Variants in GALNTL6 observed in about 807,000 individuals in gnomAD.
GALNTL6 encodes the protein polypeptide N-acetylgalactosaminyltransferase-like 6.
Under a neutral mutation model 73.7 loss-of-function variants are expected in GALNTL6, and 46 were observed. That is an observed-to-expected ratio of 0.62 (90% CI 0.49 to 0.80). The LOEUF is 0.80. Ranked by LOEUF, GALNTL6 falls within the 30% of genes least tolerant of loss-of-function variation. The probability of loss-of-function intolerance (pLI) is 0.00; values close to 1 mark genes in which losing one functional copy is unlikely to be tolerated. For missense variants in GALNTL6, 604 were observed against 755.0 expected, an observed-to-expected ratio of 0.80 and a Z score of 2.34; for synonymous variants, 259 against 263.7, an observed-to-expected ratio of 0.98 and a Z score of 0.17.
At chr4:172,674,888 C>T (rs998168395) in intron 5 of GALNTL6, among the ~76,000 whole-genome samples, 4 of 152,156 alleles carry the variant, frequency 2.6e-5, no homozygotes, top group Admixed American at 2.6e-4. Flanking sequence ...TTTATCATGA[C>T]TTTTAACTTC....
intron 5 of GALNTL6, among the ~76,000 whole-genome samples, chr4:172,402,238 T>G (rs1579038819): frequency 1.3e-5 from 2 of 152,202 alleles, no homozygotes; most frequent in Admixed American, 6.6e-5. Flanking sequence ...TGCAATGAAC[T>G]TAACACTGTG....
Position 172,206,823 on chromosome 4 carries a change from T to TTTG in GALNTL6, c.139-22831_139-22830insGTT. Among the ~76,000 whole-genome samples, 8 of 83,602 alleles carry TTTG rather than the reference T, an allele frequency of 9.6e-5. 1 individual carries two copies. The highest frequency in any genetic ancestry group is 1.7e-4 in the Non-Finnish European group (7 of 40,892). The allele number at this position is 83,602 out of a possible 152,430, so 54.8% of individuals were successfully genotyped here. A position where few individuals can be genotyped will look rare whatever the true frequency, so the allele number is the denominator to read the frequency against. On this transcript the variant is annotated intron_variant, in intron 2 of 12. Transcript: ENST00000506823. ...TTTTTCTGTTTTTTTTGTTTGTTTT[T>TTTG]TTTTTTTTTTTTGAGACGGAGTCTC...
At chr4:172,303,054 C>T (rs528648486) in intron 3 of GALNTL6, among the ~76,000 whole-genome samples, 1 of 152,100 alleles carries the variant, frequency 6.6e-6, no homozygotes, top group South Asian at 2.1e-4. Context: ...GGCTGGAGTG[C>T]AGTGGTGCGA....
chr4:172,493,256 T>C (rs773451976), intron 5 of GALNTL6, among the ~76,000 whole-genome samples: 1 of 152,198 alleles, frequency 6.6e-6, no homozygotes, highest in Admixed American at 6.5e-5. Context: ...CATTTTTTGT[T>C]TCCCACTAAC....
intron 5 of GALNTL6, among the ~76,000 whole-genome samples, chr4:172,404,263 C>A (rs1211734508): frequency 6.6e-6 from 1 of 151,918 alleles, no homozygotes; most frequent in Non-Finnish European, 1.5e-5. Context: ...ACCAGCTACT[C>A]CCCACAGTGA....
chr4:172,733,630 G>T (rs368000866), intron 5 of GALNTL6, among the ~76,000 whole-genome samples: 4 of 152,236 alleles, frequency 2.6e-5, no homozygotes. Flanking sequence ...AGTCTCATAA[G>T]GTCTGATGGT....
At chr4:173,027,136 A>G (rs899664940) in intron 12 of GALNTL6, among the ~76,000 whole-genome samples, 6 of 152,110 alleles carry the variant, frequency 3.9e-5, no homozygotes, top group African/African-American at 1.4e-4. Flanking sequence ...TTACAGGCAC[A>G]TGCCACCCAG....
At chr4:171,984,891 G>A (rs984215090) in intron 2 of GALNTL6, among the ~76,000 whole-genome samples, 3 of 151,860 alleles carry the variant, frequency 2.0e-5, no homozygotes, top group Non-Finnish European at 2.9e-5. Flanking sequence ...TGTGGCTCAC[G>A]CCTGTAATCC....
intron 5 of GALNTL6, among the ~76,000 whole-genome samples, chr4:172,408,511 A>G (rs1744315446): frequency 6.6e-6 from 1 of 152,032 alleles, no homozygotes; most frequent in African/African-American, 2.4e-5. Context: ...TGTGTGACAT[A>G]AATATAAAAT....
intron 5 of GALNTL6, among the ~76,000 whole-genome samples, chr4:172,576,957 G>A (rs995191703): frequency 6.6e-6 from 1 of 152,134 alleles, no homozygotes; most frequent in Admixed American, 6.5e-5. Flanking sequence ...CGTACCTTGA[G>A]CAACCCAGGG....
intron 8 of GALNTL6, among the ~76,000 whole-genome samples, chr4:172,892,375 T>C (rs1475383579): frequency 6.6e-6 from 1 of 152,198 alleles, no homozygotes; most frequent in East Asian, 1.9e-4. Context: ...TTGATTGTCT[T>C]CATTTCTGAG....
intron 2 of GALNTL6, among the ~76,000 whole-genome samples, chr4:171,820,605 C>G (rs1161919382): frequency 6.6e-6 from 1 of 152,084 alleles, no homozygotes; most frequent in East Asian, 1.9e-4. Flanking sequence ...TTTGAAGCAC[C>G]ATTGAAATGA....
At chr4:171,892,227 A>G (rs1469624584) in intron 2 of GALNTL6, among the ~76,000 whole-genome samples, 1 of 152,124 alleles carries the variant, frequency 6.6e-6, no homozygotes, top group East Asian at 1.9e-4. Context: ...CTGAAATCCA[A>G]CCCTTCTGGT....
chr4:171,838,381 C>T (rs1372283393), intron 2 of GALNTL6, among the ~76,000 whole-genome samples: 1 of 152,092 alleles, frequency 6.6e-6, no homozygotes, highest in African/African-American at 2.4e-5. Flanking sequence ...CCTTGGCCTA[C>T]CAAAATGCTG....
chr4:172,429,765 C>G (rs1731370993), intron 5 of GALNTL6, among the ~76,000 whole-genome samples: 1 of 152,112 alleles, frequency 6.6e-6, no homozygotes, highest in Non-Finnish European at 1.5e-5. Context: ...AAATCCTCAA[C>G]TACATTTGTA....
intron 5 of GALNTL6, among the ~76,000 whole-genome samples, chr4:172,674,120 T>G (rs1214740353): frequency 6.6e-6 from 1 of 152,220 alleles, no homozygotes; most frequent in Non-Finnish European, 1.5e-5. Flanking sequence ...TCTTCCCATA[T>G]TTAGTGCTTC....
chr4:173,022,072 AAG>A (rs1357724787), intron 12 of GALNTL6, among the ~76,000 whole-genome samples: 43 of 139,480 alleles, frequency 3.1e-4, no homozygotes, highest in African/African-American at 6.2e-4. Context: ...GGAAGGAAGG[AAG>A]GAAGGAAGGA....
chr4:172,343,597 G>T (rs1364178736), intron 4 of GALNTL6, among the ~76,000 whole-genome samples: 7 of 152,010 alleles, frequency 4.6e-5, no homozygotes, highest in African/African-American at 1.7e-4. Context: ...AAGAATAAAT[G>T]TTAAGTATGT....
intron 5 of GALNTL6, among the ~76,000 whole-genome samples, chr4:172,676,503 A>G (rs1341182702): frequency 6.6e-6 from 1 of 152,172 alleles, no homozygotes; most frequent in East Asian, 1.9e-4. Flanking sequence ...TTGCATTGCT[A>G]TCTCCCAGGT....
Sources: gnomAD v4.1 joint callset for allele counts (sites outside exome capture counted in the v4.1 genomes callset) on GRCh38, gnomAD v4.1.1 for gene constraint, MANE v1.5 for transcripts, NCBI Gene and HGNC (gene_info 2026-07-23, HGNC 2026-07-21) for gene names.